Variants in PRAMEF20 observed in about 807,000 individuals in gnomAD.
PRAMEF20 encodes PRAME family member 20, also known as PRAME family member 20/21.
In PRAMEF20, 27 loss-of-function variants were observed where a neutral mutation model predicts 32.4. The ratio of observed to expected loss-of-function variants is 0.83; its 90% CI spans 0.61 to 1.15. PRAMEF20 has a LOEUF of 1.15. Among genes scored for constraint, PRAMEF20 ranks in the 50% most tolerant of loss-of-function variants. PRAMEF20 has a pLI of 0.00. For missense variants in PRAMEF20, 604 were observed against 584.5 expected (o/e 1.03, Z -0.34); for synonymous variants, 256 against 235.4 (o/e 1.09, Z -0.80).
upstream of PRAMEF20, among the ~76,000 whole-genome samples, chr1:13,414,060 G>A (rs1045432483): frequency 2.0e-5 from 3 of 151,878 alleles, no homozygotes; most frequent in Non-Finnish European, 4.4e-5. Context: ...TTGTTTGTTT[G>A]AGAAGGACTC....
upstream of PRAMEF20, among the ~76,000 whole-genome samples, chr1:13,411,853 C>A (rs1034855284): frequency 5.3e-5 from 8 of 152,122 alleles, no homozygotes; most frequent in Non-Finnish European, 1.0e-4. Context: ...GTGACCAAGA[C>A]TTTCCGAGTT....
At chr1:13,421,117 A>G in exon 3 of PRAMEF20, 1 of 1,613,838 alleles carries the variant, frequency 6.2e-7, no homozygotes, top group Non-Finnish European at 8.5e-7. Context: ...GCCGGAGCAG[A>G]TTTGCCCAAC....
At chr1:13,420,590 T>G (rs1425132014) in intron 2 of PRAMEF20, 107 bp from the exon 4 acceptor site, 13 of 1,490,750 alleles carry the variant, frequency 8.7e-6, no homozygotes, top group Non-Finnish European at 1.1e-5. Flanking sequence ...AGAATGACCC[T>G]GGGCTTGGGC....
chr1:13,412,176 C>T (rs1641121034), upstream of PRAMEF20, among the ~76,000 whole-genome samples: 6 of 152,038 alleles, frequency 3.9e-5, no homozygotes, highest in Non-Finnish European at 7.3e-5. Context: ...AGCCACCACA[C>T]CAAGTTAATT....
rs889760451 is a variant in PRAMEF20 at position 13,420,209 on chromosome 1, T to C, written c.867-488T>C. Among the ~76,000 whole-genome samples the C allele has an allele frequency of 3.3e-5, 5 of 151,996 alleles. No individual in the cohort carries two copies. The East Asian group carries it at 9.7e-4, about 30-fold the overall frequency. ...GGAAAAGACTCAGCCTGAAATGGGT[T>C]TTTTATTTCTCTTTCTTTTGAGACA... On this transcript the variant is annotated intron_variant, in intron 2 of 2. Transcript: ENST00000602960.
intron 1 of PRAMEF20, among the ~76,000 whole-genome samples, chr1:13,417,781 G>A (rs1641193994): frequency 6.9e-6 from 1 of 145,170 alleles, no homozygotes; most frequent in African/African-American, 2.6e-5. Context: ...TGTCGCCCAG[G>A]CTGGGGCTAG....
chr1:13,418,779 C>T, intron 2 of PRAMEF20, 79 bp downstream of exon 3: 1 of 1,603,424 alleles, frequency 6.2e-7, no homozygotes, highest in Admixed American at 1.7e-5. Flanking sequence ...TGTGAGCCAG[C>T]CTATGAGGAT....
exon 1 of PRAMEF20, chr1:13,416,414 C>T (rs754257249): frequency 5.6e-6 from 9 of 1,613,686 alleles, no homozygotes; most frequent in African/African-American, 4.0e-5. Context: ...TGCTGAGGGA[C>T]GAGGCCTTGG....
chr1:13,413,364 G>T (rs1344860735), upstream of PRAMEF20, among the ~76,000 whole-genome samples: 7 of 151,782 alleles, frequency 4.6e-5, no homozygotes, highest in Admixed American at 3.3e-4. Context: ...TTTTGTTGTT[G>T]TTGTTTTTGT....
upstream of PRAMEF20, among the ~76,000 whole-genome samples, chr1:13,412,751 A>G (rs1033620485): frequency 5.0e-3 from 758 of 152,126 alleles, 41 homozygotes; most frequent in Admixed American, 0.048. Flanking sequence ...TCACATCCTC[A>G]TTGTAACTCT....
rs775373881 is a variant in PRAMEF20 at position 13,416,542 on chromosome 1, G to A, written c.188G>A (p.Arg63His). 128 of 1,614,068 alleles carry A rather than the reference G, an allele frequency of 7.9e-5. No homozygotes were observed. Among genetic ancestry groups the A allele is most frequent in the Middle Eastern group, 6.6e-4 (4 of 6,082 alleles). The change falls in exon 1 of 3, where the codon CGC becomes CAC. Residue 63 changes from arginine (R) to histidine (H), a missense_variant. Transcript: ENST00000602960. ...ATGGTGCAGGCCTGGCCTTTCCTCC[G>A]CCTTCCTCTGGGGTCTCTGATGAAA...
At chr1:13,420,639 C>T in intron 2 of PRAMEF20, 58 bp from the exon 4 acceptor site, 1 of 1,611,388 alleles carries the variant, frequency 6.2e-7, no homozygotes, top group Non-Finnish European at 8.5e-7. Flanking sequence ...TCATTCCCTA[C>T]CACCCTCCAC....
At chr1:13,418,465 G>A in exon 2 of PRAMEF20, 1 of 1,613,932 alleles carries the variant, frequency 6.2e-7, no homozygotes, top group East Asian at 2.2e-5. Flanking sequence ...CCAGGAGGTG[G>A]AAGTGAATTG....
chr1:13,416,767 T>TAG (rs1641179331), intron 1 of PRAMEF20, 126 bp downstream of exon 2: 5 of 1,562,568 alleles, frequency 3.2e-6, no homozygotes, highest in Non-Finnish European at 4.3e-6. Context: ...TGAGGAAGCT[T>TAG]AGAGAGGCCT....
rs920562066 is a variant in PRAMEF20, at chr1:13,418,321, T to C, written c.487T>C (p.Tyr163His). The change falls in exon 2 of 3, where the codon TAC (tyrosine) becomes CAC (histidine). Residue 163 changes from tyrosine to histidine, a missense_variant. Tyr to His is a moderately conservative substitution (Grantham distance 83). Coordinates refer to ENST00000602960, the Ensembl canonical transcript of PRAMEF20. ...CCTCAAGAACAGGACTCTGGATGAA[T>C]ACTTCACCTGCCTCTTTCTATGGGT... 3.8e-5 allele frequency: 62 copies of C among 1,613,748 alleles called. No individual in the cohort carries two copies. In the Middle Eastern group the frequency reaches 6.6e-4, roughly 17 times the overall value.
At chr1:13,417,566 G>A (rs1641190054) in intron 1 of PRAMEF20, among the ~76,000 whole-genome samples, 1 of 150,756 alleles carries the variant, frequency 6.6e-6, no homozygotes, top group Non-Finnish European at 1.5e-5. Context: ...TTGCGCCACT[G>A]CACTCCAGCC....
chr1:13,421,075 G>T, exon 3 of PRAMEF20: 1 of 1,605,882 alleles, frequency 6.2e-7, no homozygotes, highest in Non-Finnish European at 8.5e-7. Flanking sequence ...ATCCTGCCCC[G>T]CGGGAGAGTT....
At chr1:13,416,593 C>G (rs923499094) in exon 1 of PRAMEF20, 6 of 1,614,060 alleles carry the variant, frequency 3.7e-6, no homozygotes, top group African/African-American at 2.7e-5. Flanking sequence ...ACCTTCCAAG[C>G]TGTGCTCGAT....
chr1:13,420,685 C>A lies in PRAMEF20; in HGVS notation c.867-12C>A. 6.2e-7 allele frequency: 1 copy of A among 1,613,858 alleles called. No individual in the cohort carries two copies. The highest frequency in any genetic ancestry group is 8.5e-7 in the Non-Finnish European group (1 of 1,179,820). On this transcript the variant is annotated splice_polypyrimidine_tract_variant and intron_variant, in intron 2 of 2. Transcript: ENST00000602960. ...GATTCCCCAGAACTAACTTCCTGCT[C>A]TCTCTCCCCAGCTGTCTAAAGACCT... is the stretch of plus-strand genomic sequence containing the variant.
Sources: gnomAD v4.1 joint callset for allele counts (sites outside exome capture counted in the v4.1 genomes callset) on GRCh38, gnomAD v4.1.1 for gene constraint, MANE v1.5 for transcripts, NCBI Gene and HGNC (gene_info 2026-07-23, HGNC 2026-07-21) for gene names.